ASCC3: variants seen among roughly 807,000 people sequenced by gnomAD.
ASCC3 encodes activating signal cointegrator 1 complex subunit 3.
ASCC3 carries 158 observed loss-of-function variants against 256.3 expected under a neutral mutation model. That is an observed-to-expected ratio of 0.62 (90% CI 0.54 to 0.70). The LOEUF (loss-of-function observed/expected upper bound fraction) is 0.70, where lower values mean the gene tolerates loss of function less well. ASCC3 is among the 30% of genes least tolerant of loss of function. ASCC3 has a pLI of 0.00. For synonymous variants in ASCC3, 948 were observed against 883.4 expected, an observed-to-expected ratio of 1.07 and a Z score of -1.30; for missense variants, 2,259 against 2,626.0, an observed-to-expected ratio of 0.86 and a Z score of 3.05.
At chr6:100,862,230 T>C (rs1773258162) in intron 3 of ASCC3, among the ~76,000 whole-genome samples, 1 of 152,158 alleles carries the variant, frequency 6.6e-6, no homozygotes, top group Non-Finnish European at 1.5e-5. Flanking sequence ...CCAAATGCCA[T>C]TACAAACCTC....
chr6:100,599,585 C>T (rs1772486077), intron 34 of ASCC3, among the ~76,000 whole-genome samples: 1 of 150,494 alleles, frequency 6.6e-6, no homozygotes, highest in Admixed American at 6.6e-5. Flanking sequence ...AAGATGTTAA[C>T]ATGGGGAAGC....
In ASCC3 at chr6:100,813,470, C is replaced by CA. The variant is rs201172822; in HGVS notation, c.802-7591dup. On this transcript the variant is annotated intron_variant, in intron 4 of 41. Coordinates refer to ENST00000369162, the MANE Select transcript of ASCC3 (RefSeq NM_006828.4). Reference sequence around the variant, plus strand: ...GAAACTCCATCTCAAAAAACAACAACAACAAAAAAAAAACACAAAAAACCT... The same window carrying CA: ...GAAACTCCATCTCAAAAAACAACAACAAACAAAAAAAAAACACAAAAAACCT... Among the ~76,000 whole-genome samples the CA allele has an allele frequency of 0.021, 3,093 of 149,964 alleles. 191 individuals carry two copies. The East Asian group carries it at 0.24, about 12-fold the overall frequency.
chr6:100,559,851 A>G (rs952944270), intron 36 of ASCC3, among the ~76,000 whole-genome samples: 4 of 148,990 alleles, frequency 2.7e-5, no homozygotes, highest in Non-Finnish European at 4.5e-5. Flanking sequence ...CTCCATCTCA[A>G]AAAAAAAAAA....
At chr6:100,543,694 G>A (rs1775574115) in intron 36 of ASCC3, among the ~76,000 whole-genome samples, 1 of 151,682 alleles carries the variant, frequency 6.6e-6, no homozygotes, top group African/African-American at 2.4e-5. Context: ...CTGAATAACA[G>A]CTTCAAAATC....
chr6:100,744,611 T>G (rs1182909108), intron 10 of ASCC3, among the ~76,000 whole-genome samples: 3 of 152,206 alleles, frequency 2.0e-5, no homozygotes, highest in African/African-American at 7.2e-5. Flanking sequence ...GTCTTCGATG[T>G]TTTATTCAGG....
At chr6:100,827,674 A>C (rs1033504327) in intron 4 of ASCC3, among the ~76,000 whole-genome samples, 15 of 152,202 alleles carry the variant, frequency 9.9e-5, no homozygotes, top group East Asian at 3.8e-4. Flanking sequence ...TGTCCAAAAA[A>C]CAAGCAAACA....
intron 36 of ASCC3, among the ~76,000 whole-genome samples, chr6:100,562,829 A>T (rs1261211444): frequency 6.6e-6 from 1 of 152,114 alleles, no homozygotes; most frequent in African/African-American, 2.4e-5. Flanking sequence ...GTTGATAGAT[A>T]TCAAATTTCC....
intron 30 of ASCC3, among the ~76,000 whole-genome samples, chr6:100,616,397 C>G (rs564585175): frequency 7.2e-5 from 11 of 152,206 alleles, no homozygotes; most frequent in Non-Finnish European, 1.6e-4. Flanking sequence ...ACCTGCATTA[C>G]AGTTTTCATA....
chr6:100,623,980 G>A lies in ASCC3; in HGVS notation c.4785+1212C>T, dbSNP rs375070808. On this transcript the variant is annotated intron_variant, in intron 30 of 41. Coordinates refer to ENST00000369162, the MANE Select transcript of ASCC3 (RefSeq NM_006828.4). ...AGGGCCTGTTGTGGGGTGGGAGGAGGGGGGAGGGATAGCATTTGGAGATAT... is the reference window on the plus strand; with the variant it reads ...AGGGCCTGTTGTGGGGTGGGAGGAGAGGGGAGGGATAGCATTTGGAGATAT... Among the ~76,000 whole-genome samples, 47 of 151,850 alleles carry A rather than the reference G, an allele frequency of 3.1e-4. 1 individual carries two copies. Among genetic ancestry groups the A allele is most frequent in the African/African-American group, 1.0e-3 (42 of 41,340 alleles).
intron 13 of ASCC3, among the ~76,000 whole-genome samples, chr6:100,700,977 T>C (rs932634837): frequency 7.2e-5 from 11 of 152,122 alleles, no homozygotes; most frequent in Admixed American, 1.3e-4. Flanking sequence ...GGTTTTGAAA[T>C]GTGAGGACAT....
At chr6:100,678,778 T>G (rs1435635620) in intron 14 of ASCC3, among the ~76,000 whole-genome samples, 1 of 152,160 alleles carries the variant, frequency 6.6e-6, no homozygotes, top group East Asian at 1.9e-4. Context: ...TAATTTACAG[T>G]AGCTATCACA....
chr6:100,752,774 A>G (rs566322042), intron 10 of ASCC3, among the ~76,000 whole-genome samples: 6 of 152,290 alleles, frequency 3.9e-5, no homozygotes, highest in African/African-American at 1.2e-4. Flanking sequence ...TCAATACTGT[A>G]CATAAGAAGT....
intron 4 of ASCC3, among the ~76,000 whole-genome samples, chr6:100,816,980 C>T (rs1016474561): frequency 4.0e-5 from 6 of 150,580 alleles, no homozygotes; most frequent in Admixed American, 6.6e-5. Flanking sequence ...CGCTATAAAC[C>T]ATCTAAACCT....
chr6:100,715,357 T>C, intron 13 of ASCC3, 105 bp downstream of exon 13: 1 of 996,114 alleles, frequency 1.0e-6, no homozygotes, highest in Non-Finnish European at 1.5e-6. Context: ...GCCTCAGAAT[T>C]AAAGAAAAAT....
rs1378985539 is a variant in ASCC3, at chr6:100,590,076, G to T, written c.5304-17C>A. ...TTGTAATAGCTAGAAAACAAGCAAG[G>T]TTATTATTATTTGTTTCAAGACATT... On this transcript the variant is annotated splice_polypyrimidine_tract_variant and intron_variant, in intron 34 of 41. Transcript: ENST00000369162. 4 of 1,548,994 alleles carry T rather than the reference G, an allele frequency of 2.6e-6. No individual in the cohort carries two copies. Among genetic ancestry groups the T allele is most frequent in the East Asian group, 2.2e-5 (1 of 44,484 alleles).
intron 36 of ASCC3, among the ~76,000 whole-genome samples, chr6:100,573,984 G>A (rs1309493716): frequency 6.6e-6 from 1 of 152,060 alleles, no homozygotes; most frequent in African/African-American, 2.4e-5. Flanking sequence ...GACAATGTCA[G>A]CAACTCCTTT....
At chr6:100,650,422 ATGG>A in intron 20 of ASCC3, 113 bp downstream of exon 20, 1 of 1,015,994 alleles carries the variant, frequency 9.8e-7, no homozygotes, top group Non-Finnish European at 1.5e-6. Context: ...TCTAAGTAAA[ATGG>A]TGGTTTGGTA....
intron 12 of ASCC3, among the ~76,000 whole-genome samples, chr6:100,717,507 G>C (rs1373491830): frequency 6.6e-6 from 1 of 151,874 alleles, no homozygotes; most frequent in African/African-American, 2.4e-5. Flanking sequence ...CTCTAATAGT[G>C]TGAATAGTAT....
chr6:100,872,068 G>T (rs956067075), intron 1 of ASCC3, among the ~76,000 whole-genome samples: 6 of 152,148 alleles, frequency 3.9e-5, no homozygotes, highest in African/African-American at 1.4e-4. Flanking sequence ...GGCTCTGATA[G>T]TAAACTAAAC....
Sources: gnomAD v4.1 joint callset for allele counts (sites outside exome capture counted in the v4.1 genomes callset) on GRCh38, gnomAD v4.1.1 for gene constraint, MANE v1.5 for transcripts, NCBI Gene and HGNC (gene_info 2026-07-23, HGNC 2026-07-21) for gene names.